Variants in RNF38 observed in about 807,000 individuals in gnomAD.
RNF38 encodes the protein E3 ubiquitin-protein ligase RNF38.
In RNF38, 15 loss-of-function variants were observed where a neutral mutation model predicts 67.2. The ratio of observed to expected loss-of-function variants is 0.22; its 90% confidence interval spans 0.15 to 0.34. The LOEUF (loss-of-function observed/expected upper bound fraction) is 0.34, where lower values mean the gene tolerates loss of function less well. Among genes scored for constraint, RNF38 ranks in the 10% least tolerant of loss-of-function variants. The probability of loss-of-function intolerance (pLI) is 1.00; values close to 1 mark genes in which losing one functional copy is unlikely to be tolerated. For missense variants in RNF38, 524 were observed against 639.9 expected, an observed-to-expected ratio of 0.82 and a Z score of 1.95; for synonymous variants, 220 against 218.8, an observed-to-expected ratio of 1.01 and a Z score of -0.05.
intron 1 of RNF38, among the ~76,000 whole-genome samples, chr9:36,393,998 C>T (rs932791492): frequency 6.6e-6 from 1 of 152,112 alleles, no homozygotes; most frequent in Non-Finnish European, 1.5e-5. Flanking sequence ...AGCTCTGGGC[C>T]GGGTACAGTG....
At chr9:36,366,737 C>T (rs1479931903) in intron 4 of RNF38, among the ~76,000 whole-genome samples, 1 of 152,170 alleles carries the variant, frequency 6.6e-6, no homozygotes, top group Non-Finnish European at 1.5e-5. Flanking sequence ...CAAAGTTTCA[C>T]CTTTAAGCAT....
At chr9:36,465,030 G>T (rs1042611926) in intron 1 of RNF38, among the ~76,000 whole-genome samples, 1 of 152,170 alleles carries the variant, frequency 6.6e-6, no homozygotes, top group Non-Finnish European at 1.5e-5. Flanking sequence ...GCCATGGGGG[G>T]AATGCAAATC....
intron 3 of RNF38, among the ~76,000 whole-genome samples, chr9:36,374,534 G>T (rs1835641329): frequency 6.6e-6 from 1 of 152,102 alleles, no homozygotes; most frequent in Admixed American, 6.5e-5. Context: ...GAGTGCAGTG[G>T]TGCGGTCTTG....
chr9:36,482,007 G>A (rs1011178327), intron 1 of RNF38, among the ~76,000 whole-genome samples: 1 of 151,570 alleles, frequency 6.6e-6, no homozygotes, highest in Non-Finnish European at 1.5e-5. Flanking sequence ...GTGGCACATA[G>A]GTACTATACT....
chr9:36,393,475 CATTGTGTGT>C (rs1186504525), intron 1 of RNF38, among the ~76,000 whole-genome samples: 21 of 112,548 alleles, frequency 1.9e-4, no homozygotes, highest in African/African-American at 7.2e-4. Flanking sequence ...CACACACACA[CATTGTGTGT>C]GTGTGTGTGT....
At chr9:36,451,491 G>GTTTTT (rs374396585) in intron 1 of RNF38, among the ~76,000 whole-genome samples, 2 of 58,688 alleles carry the variant, frequency 3.4e-5, no homozygotes, top group Non-Finnish European at 6.1e-5. Context: ...AATTGTAGTA[G>GTTTTT]TTTTTTTTTT....
chr9:36,421,824 T>C (rs1343238925), intron 2 of RNF38, among the ~76,000 whole-genome samples: 2 of 152,136 alleles, frequency 1.3e-5, no homozygotes, highest in African/African-American at 4.8e-5. Flanking sequence ...GCAAAACCAA[T>C]ACCCACGTGT....
At chr9:36,403,333 A>C (rs1238831423), upstream of RNF38, among the ~76,000 whole-genome samples, 1 of 152,230 alleles carries the variant, frequency 6.6e-6, no homozygotes, top group Non-Finnish European at 1.5e-5. Context: ...AAAATATTCT[A>C]CATCTGCCCC....
intron 1 of RNF38, among the ~76,000 whole-genome samples, chr9:36,462,915 T>A (rs1328847063): frequency 6.6e-6 from 1 of 152,032 alleles, no homozygotes; most frequent in Non-Finnish European, 1.5e-5. Context: ...CCTCAGGTGA[T>A]CTGCCTGCCT....
intron 2 of RNF38, among the ~76,000 whole-genome samples, chr9:36,408,054 T>C (rs1031470582): frequency 6.6e-6 from 1 of 152,222 alleles, no homozygotes; most frequent in Non-Finnish European, 1.5e-5. Flanking sequence ...AAACAGTATG[T>C]GAATTTTCTT....
chr9:36,467,250 CACACACACATAT>C (rs1387985822), intron 1 of RNF38, among the ~76,000 whole-genome samples: 5 of 95,740 alleles, frequency 5.2e-5, no homozygotes, highest in Non-Finnish European at 1.1e-4. Flanking sequence ...TATATACACA[CACACACACATAT>C]ACACACACAT....
intron 1 of RNF38, among the ~76,000 whole-genome samples, chr9:36,393,477 T>TTGTGTGTG (rs58913703): frequency 0.04 from 3,524 of 87,614 alleles, 74 homozygotes; most frequent in Middle Eastern, 0.079. Context: ...CACACACACA[T>TTGTGTGTG]TGTGTGTGTG....
intron 7 of RNF38, among the ~76,000 whole-genome samples, 153 bp from the exon 8 acceptor site, chr9:36,353,001 A>G (rs1833815613): frequency 6.6e-6 from 1 of 152,256 alleles, no homozygotes; most frequent in South Asian, 2.1e-4. Flanking sequence ...TAATGGATGC[A>G]GCAACCATTT....
intron 1 of RNF38, among the ~76,000 whole-genome samples, chr9:36,427,962 G>C (rs1158433376): frequency 6.6e-6 from 1 of 150,844 alleles, no homozygotes; most frequent in African/African-American, 2.4e-5. Context: ...CGCTCACATT[G>C]GCCTCCCAAA....
chr9:36,402,032 T>G (rs757340605), upstream of RNF38, among the ~76,000 whole-genome samples: 1 of 152,240 alleles, frequency 6.6e-6, no homozygotes, highest in African/African-American at 2.4e-5. Context: ...TAATTATTTA[T>G]GTACACTTGT....
At position 36,338,979 on chromosome 9, in the gene RNF38, TTTC is replaced by T. The variant is rs1251992502; in HGVS notation, c.*770_*772del. The stretch of plus-strand genomic sequence containing the variant: ...GGAGCGAGAATTTGTTACACTTTTT[TTTC>T]TTAAGTGACCCACTTAGGACCACCA... On this transcript the variant is annotated 3_prime_UTR_variant, in exon 12 of 12. Coordinates refer to ENST00000259605, the MANE Select transcript of RNF38 (RefSeq NM_022781.5). The T allele has an allele frequency of 1.3e-5, 2 of 152,638 alleles. No individual in the cohort carries two copies. Among genetic ancestry groups the T allele is most frequent in the Non-Finnish European group, 2.9e-5 (2 of 68,042 alleles). 9.5% of individuals were successfully genotyped at this position (152,638 alleles called of 1,614,324 possible).
chr9:36,369,818 C>T lies in RNF38; in HGVS notation c.471G>A (p.Glu157=), dbSNP rs773493191. 7.4e-6 allele frequency: 12 copies of T among 1,613,836 alleles called. No individual in the cohort carries two copies. Among genetic ancestry groups the T allele is most frequent in the South Asian group, 3.3e-5 (3 of 91,076 alleles). ...CATTCGGAGGGTGGAAGGCTCGAGG[C>T]TCCTCTATTGCTTGCTGCTGTGCGT... is the stretch of plus-strand genomic sequence containing the variant. The part of the protein sequence containing the change: ...LPYAQQQAIE[E]PRAFHPPNVS... The change falls in exon 4 of 12, where the codon GAG becomes GAA. Residue 157 remains glutamate (E), a synonymous_variant. Coordinates refer to ENST00000259605, the MANE Select transcript of RNF38 (RefSeq NM_022781.5).
chr9:36,389,311 T>C (rs1836886355), intron 2 of RNF38, among the ~76,000 whole-genome samples: 2 of 149,508 alleles, frequency 1.3e-5, no homozygotes, highest in African/African-American at 2.5e-5. Context: ...AGTTACTGTT[T>C]GAAAACACAA....
chr9:36,359,737 A>ATT lies in RNF38; in HGVS notation c.571-1797_571-1796dup, dbSNP rs11374341. ...ACAAAGGACTGAATTTTATATTAAG[A>ATT]TTTTTTTTTTTTTTGAGATGGAGTT... On this transcript the variant is annotated intron_variant, in intron 4 of 11. Coordinates refer to ENST00000259605, the MANE Select transcript of RNF38 (RefSeq NM_022781.5). Among the ~76,000 whole-genome samples the ATT allele has an allele frequency of 9.9e-3, 1,444 of 145,954 alleles. 9 individuals carry two copies. Among genetic ancestry groups the ATT allele is most frequent in the Middle Eastern group, 0.021 (6 of 284 alleles).
Sources: allele counts gnomAD v4.1 joint callset (sites outside exome capture counted in the v4.1 genomes callset), GRCh38; gene constraint gnomAD v4.1.1; transcripts MANE v1.5; gene names NCBI Gene and HGNC (gene_info 2026-07-23, HGNC 2026-07-21).